The following PDE3B variants were observed in gnomAD, a reference collection of about 807,000 sequenced individuals.
The protein encoded by PDE3B is cGMP-inhibited 3',5'-cyclic phosphodiesterase 3B.
A neutral mutation model predicts 116.8 loss-of-function variants in PDE3B; 66 were observed. That is an observed-to-expected ratio of 0.56 (90% confidence interval 0.46 to 0.69). The LOEUF (loss-of-function observed/expected upper bound fraction) is 0.69, where lower values mean the gene tolerates loss of function less well. PDE3B is among the 30% of genes least tolerant of loss of function. The pLI is 0.00. For missense variants in PDE3B, 1,384 were observed against 1,368.1 expected, an observed-to-expected ratio of 1.01 and a Z score of -0.18; for synonymous variants, 595 against 533.6, an observed-to-expected ratio of 1.12 and a Z score of -1.59.
chr11:14,742,182 G>A (rs1447614083), intron 1 of PDE3B, among the ~76,000 whole-genome samples: 1 of 152,224 alleles, frequency 6.6e-6, no homozygotes, highest in African/African-American at 2.4e-5. Flanking sequence ...CCTGAAGAGT[G>A]TTTTCCAACT....
At chr11:14,881,995 T>C in the PDE3B span, among the ~76,000 whole-genome samples, 2 of 152,138 alleles carry the variant, frequency 1.3e-5, no homozygotes, top group Non-Finnish European at 2.9e-5. Context: ...CAACAACTTA[T>C]TGTGCAATAA....
chr11:14,753,527 G>A (rs1857109451), intron 1 of PDE3B, among the ~76,000 whole-genome samples: 1 of 151,994 alleles, frequency 6.6e-6, no homozygotes, highest in African/African-American at 2.4e-5. Context: ...TGAAAATTAC[G>A]ATGGTAAGAA....
At chr11:14,664,447 A>G (rs1487395546) in intron 1 of PDE3B, among the ~76,000 whole-genome samples, 1 of 152,232 alleles carries the variant, frequency 6.6e-6, no homozygotes, top group Middle Eastern at 3.2e-3. Flanking sequence ...AGAGTCACAA[A>G]AAACACTTCA....
intron 1 of PDE3B, among the ~76,000 whole-genome samples, chr11:14,771,480 C>T (rs1857641220): frequency 6.6e-6 from 1 of 151,680 alleles, no homozygotes. Flanking sequence ...TAAGTCTATT[C>T]TTTTATACTT....
chr11:14,689,210 T>C (rs1036382465), intron 1 of PDE3B, among the ~76,000 whole-genome samples: 3 of 152,226 alleles, frequency 2.0e-5, no homozygotes, highest in Non-Finnish European at 4.4e-5. Context: ...GTTTAAAATA[T>C]ATCGCTGAGG....
At chr11:14,892,993 T>C in the PDE3B span, among the ~76,000 whole-genome samples, 2 of 152,242 alleles carry the variant, frequency 1.3e-5, no homozygotes, top group Admixed American at 6.5e-5. Context: ...TATTCCTGTT[T>C]TCTATTGGGC....
intron 12 of PDE3B, among the ~76,000 whole-genome samples, chr11:14,847,144 C>T (rs1389388056): frequency 6.6e-6 from 1 of 152,210 alleles, no homozygotes; most frequent in African/African-American, 2.4e-5. Context: ...AACTGTCTCT[C>T]AGACCACAGT....
intron 1 of PDE3B, among the ~76,000 whole-genome samples, chr11:14,649,765 T>C (rs549796247): frequency 2.0e-5 from 3 of 152,330 alleles, no homozygotes; most frequent in Non-Finnish European, 4.4e-5. Flanking sequence ...ATAACATTTA[T>C]TTTATATGTT....
intron 11 of PDE3B, 60 bp from the exon 12 acceptor site, chr11:14,843,767 C>G (rs1371843025): frequency 2.2e-6 from 3 of 1,351,732 alleles, no homozygotes; most frequent in Non-Finnish European, 3.2e-6. Flanking sequence ...CCCTCCATAG[C>G]AAAATTGTGA....
chr11:14,802,225 G>A (rs1021880425), intron 4 of PDE3B, among the ~76,000 whole-genome samples: 9 of 152,204 alleles, frequency 5.9e-5, no homozygotes, highest in African/African-American at 1.2e-4. Context: ...AGCTAGTTTG[G>A]TGTCTGCCTA....
chr11:14,868,857 C>T (rs1425656497), intron 15 of PDE3B, among the ~76,000 whole-genome samples: 2 of 152,030 alleles, frequency 1.3e-5, no homozygotes, highest in African/African-American at 4.8e-5. Context: ...CCCATCTCTA[C>T]TAAAAATACA....
chr11:14,827,114 T>G (rs1036619228), intron 7 of PDE3B, among the ~76,000 whole-genome samples: 3 of 152,096 alleles, frequency 2.0e-5, no homozygotes, highest in Non-Finnish European at 4.4e-5. Flanking sequence ...TTGATAAAAT[T>G]CAACATCCCT....
intron 12 of PDE3B, among the ~76,000 whole-genome samples, chr11:14,845,808 A>G (rs568587869): frequency 2.0e-5 from 3 of 152,270 alleles, no homozygotes; most frequent in Non-Finnish European, 2.9e-5. Context: ...AAAAAGAAAC[A>G]AACAAAGCCT....
chr11:14,804,045 G>A lies in PDE3B; in HGVS notation c.1517G>A (p.Arg506Lys). Residue 506 changes from arginine to lysine, a missense_variant, in exon 5 of 16, where the codon AGA (arginine) becomes AAA (lysine). Transcript: ENST00000282096. ...CTGACTCACCATGTAGGTCTCAGAA[G>A]AGCTGGTAAGAAATCATTCTTTATG... ...VSLTHHVGLRRAGVLSSLSPV... is the reference protein window; with the variant it reads ...VSLTHHVGLRKAGVLSSLSPV... 3 of 1,567,066 alleles carry A rather than the reference G, an allele frequency of 1.9e-6. No homozygotes were observed. The highest frequency in any genetic ancestry group is 2.6e-6 in the Non-Finnish European group (3 of 1,137,344).
chr11:14,722,034 C>CCAT (rs1484242161), intron 1 of PDE3B, among the ~76,000 whole-genome samples: 1 of 150,348 alleles, frequency 6.7e-6, no homozygotes, highest in Non-Finnish European at 1.5e-5. Context: ...AAGCTGGAAA[C>CCAT]CAGTCTCAGC....
Position 14,844,002 on chromosome 11 carries a change from T to C in PDE3B, c.2496T>C (p.Phe832=). 6.2e-7 allele frequency: 1 copy of C among 1,614,038 alleles called. No homozygotes were observed. Among genetic ancestry groups the C allele is most frequent in the Admixed American group, 1.7e-5 (1 of 60,022 alleles). The change falls in exon 12 of 16, where the codon TTT becomes TTC. Residue 832 remains phenylalanine (F), a synonymous_variant. Transcript: ENST00000282096. ...ATCACCCAGGGAGGACAAATGCATT[T>C]CTAGTGGCTACAAATGCCCCTCAGG... ...DYDHPGRTNA[F]LVATNAPQAV... is the part of the protein sequence containing the mutation.
downstream of PDE3B, among the ~76,000 whole-genome samples, chr11:14,872,941 G>T (rs1438320469): frequency 2.0e-5 from 3 of 152,156 alleles, no homozygotes; most frequent in African/African-American, 7.2e-5. Flanking sequence ...GCTGTATTTT[G>T]AATGGTTTAA....
intron 11 of PDE3B, among the ~76,000 whole-genome samples, chr11:14,842,278 C>T (rs542760127): frequency 2.0e-5 from 3 of 152,124 alleles, no homozygotes; most frequent in African/African-American, 7.2e-5. Flanking sequence ...GTTTCATTGC[C>T]CTTGCCAACT....
rs1859573866 is a variant in PDE3B at position 14,823,111 on chromosome 11, T to C, written c.1807+3902T>C. ...GCAGTGGTTCCGAGCCTCCCTGAGA[T>C]AGTGCTCCCGGGGGAGGGACAGGCC... On this transcript the variant is annotated intron_variant, in intron 7 of 15. Coordinates refer to ENST00000282096, the MANE Select transcript of PDE3B (RefSeq NM_000922.4). 3.3e-5 allele frequency among the ~76,000 whole-genome samples: 5 copies of C among 152,176 alleles called. 1 individual carries two copies. The South Asian group carries it at 6.2e-4, about 19-fold the overall frequency.
Sources: gnomAD v4.1 joint callset for allele counts (sites outside exome capture counted in the v4.1 genomes callset) on GRCh38, gnomAD v4.1.1 for gene constraint, MANE v1.5 for transcripts, NCBI Gene and HGNC (gene_info 2026-07-23, HGNC 2026-07-21) for gene names.